Variants in SPMIP2 observed in about 807,000 individuals in gnomAD.
The protein encoded by SPMIP2 is sperm microtubule inner protein 2, also known as protein SPMIP2.
the SPMIP2 span, among the ~76,000 whole-genome samples, chr4:159,080,022 A>C: frequency 6.0e-5 from 9 of 150,956 alleles, no homozygotes; most frequent in Non-Finnish European, 1.2e-4. Flanking sequence ...TTATTATCAA[A>C]TAATCAAATA....
At chr4:158,946,242 A>G in the SPMIP2 span, among the ~76,000 whole-genome samples, 4 of 152,264 alleles carry the variant, frequency 2.6e-5, no homozygotes, top group African/African-American at 9.6e-5. Context: ...AAATCACAGT[A>G]CAGTCTCTTG....
At chr4:159,061,125 G>T in the SPMIP2 span, among the ~76,000 whole-genome samples, 1 of 147,276 alleles carries the variant, frequency 6.8e-6, no homozygotes, top group Non-Finnish European at 1.5e-5. Flanking sequence ...ATATATATAT[G>T]TAACATAGCT....
the SPMIP2 span, among the ~76,000 whole-genome samples, chr4:158,947,155 C>A: frequency 6.6e-6 from 1 of 152,082 alleles, no homozygotes; most frequent in Non-Finnish European, 1.5e-5. Context: ...TCAAAAAAAT[C>A]GCAGAACTTT....
chr4:159,081,111 C>A, the SPMIP2 span, among the ~76,000 whole-genome samples: 2 of 149,894 alleles, frequency 1.3e-5, no homozygotes, highest in Non-Finnish European at 3.0e-5. Context: ...GATCTTGGCT[C>A]ACTGCAACCT....
the SPMIP2 span, among the ~76,000 whole-genome samples, chr4:158,918,748 C>A: frequency 6.6e-6 from 1 of 152,308 alleles, no homozygotes; most frequent in South Asian, 2.1e-4. Flanking sequence ...TTTACCCACA[C>A]TGTATTGAAC....
At chr4:159,004,354 G>A in the SPMIP2 span, among the ~76,000 whole-genome samples, 3 of 136,878 alleles carry the variant, frequency 2.2e-5, no homozygotes, top group African/African-American at 5.4e-5. Context: ...GCAGTGGTGC[G>A]ATCTCAGCTC....
At chr4:158,987,755 T>C in the SPMIP2 span, among the ~76,000 whole-genome samples, 1 of 151,938 alleles carries the variant, frequency 6.6e-6, no homozygotes, top group Non-Finnish European at 1.5e-5. Flanking sequence ...ATTGTGCACA[T>C]GTACCCTAAA....
chr4:159,038,965 A>G, the SPMIP2 span, among the ~76,000 whole-genome samples: 1 of 152,058 alleles, frequency 6.6e-6, no homozygotes, highest in Admixed American at 6.6e-5. Flanking sequence ...ATGGTTTTAT[A>G]GTCTTATTTA....
At chr4:159,064,784 C>G in the SPMIP2 span, among the ~76,000 whole-genome samples, 1 of 152,234 alleles carries the variant, frequency 6.6e-6, no homozygotes, top group South Asian at 2.1e-4. Flanking sequence ...ATTAAAAGGC[C>G]TTAGTCTAAT....
chr4:158,976,813 C>A, the SPMIP2 span, among the ~76,000 whole-genome samples: 10 of 151,936 alleles, frequency 6.6e-5, no homozygotes, highest in African/African-American at 1.9e-4. Context: ...AGGCACACAC[C>A]ACCACGCCCA....
the SPMIP2 span, among the ~76,000 whole-genome samples, chr4:158,938,341 T>C: frequency 1.3e-5 from 2 of 152,212 alleles, no homozygotes; most frequent in South Asian, 4.1e-4. Context: ...GGCTCTCCTC[T>C]ATAAGGGAAG....
chr4:159,075,578 T>C, the SPMIP2 span, among the ~76,000 whole-genome samples: 2 of 152,142 alleles, frequency 1.3e-5, no homozygotes, highest in Non-Finnish European at 2.9e-5. Flanking sequence ...CAACTTGGAT[T>C]TGAATCCTGT....
chr4:159,028,995 T>TAAGGCAGGAGAATCGCTTG, the SPMIP2 span, among the ~76,000 whole-genome samples: 6 of 152,248 alleles, frequency 3.9e-5, no homozygotes, highest in African/African-American at 1.4e-4. Flanking sequence ...CTCGAGAGGC[T>TAAGGCAGGAGAATCGCTTG]AAGGCAGGAG....
the SPMIP2 span, among the ~76,000 whole-genome samples, chr4:159,043,725 C>G: frequency 2.0e-5 from 3 of 152,206 alleles, no homozygotes; most frequent in Non-Finnish European, 4.4e-5. Flanking sequence ...TTCTACAGTT[C>G]CTCCTTAGAA....
chr4:158,979,154 G>T, the SPMIP2 span, among the ~76,000 whole-genome samples: 1 of 152,200 alleles, frequency 6.6e-6, no homozygotes, highest in Non-Finnish European at 1.5e-5. Context: ...CACACTGTGA[G>T]GGGAAAACCA....
At chr4:159,013,448 TA>T in the SPMIP2 span, among the ~76,000 whole-genome samples, 2 of 152,194 alleles carry the variant, frequency 1.3e-5, no homozygotes, top group Non-Finnish European at 2.9e-5. Flanking sequence ...GCCTGAAATC[TA>T]AAATCAAGTT....
the SPMIP2 span, among the ~76,000 whole-genome samples, chr4:159,037,071 A>T: frequency 6.6e-6 from 1 of 152,218 alleles, no homozygotes; most frequent in Non-Finnish European, 1.5e-5. Context: ...TTAGTAAACA[A>T]GGCAGAAAAT....
At chr4:158,909,874 C>G in the SPMIP2 span, among the ~76,000 whole-genome samples, 4 of 152,132 alleles carry the variant, frequency 2.6e-5, no homozygotes, top group South Asian at 8.3e-4. Flanking sequence ...AACCCTGCCT[C>G]TACTAAAAAT....
the SPMIP2 span, among the ~76,000 whole-genome samples, chr4:158,964,151 TCAAAA>T: frequency 0.079 from 7,922 of 100,150 alleles, 772 homozygotes; most frequent in African/African-American, 0.21. Context: ...TGAGACTATC[TCAAAA>T]CAAAACAAAA....
Sources: gnomAD v4.1 joint callset for allele counts (sites outside exome capture counted in the v4.1 genomes callset) on GRCh38, gnomAD v4.1.1 for gene constraint, MANE v1.5 for transcripts, NCBI Gene and HGNC (gene_info 2026-07-23, HGNC 2026-07-21) for gene names.